FAM13A: variants seen among roughly 807,000 people sequenced by gnomAD.
FAM13A encodes the protein protein FAM13A.
A neutral mutation model predicts 129.6 loss-of-function variants in FAM13A; 76 were observed. The observed-to-expected ratio is 0.59, with a 90% CI of 0.49 to 0.71. FAM13A has a LOEUF of 0.71. FAM13A is among the 30% of genes least tolerant of loss of function. FAM13A has a pLI of 0.00. For synonymous variants in FAM13A, 443 were observed against 449.9 expected, an observed-to-expected ratio of 0.98 and a Z score of 0.20; for missense variants, 1,108 against 1,249.3, an observed-to-expected ratio of 0.89 and a Z score of 1.70.
chr4:89,016,758 C>A (rs949333253), intron 3 of FAM13A, among the ~76,000 whole-genome samples: 1 of 152,158 alleles, frequency 6.6e-6, no homozygotes, highest in African/African-American at 2.4e-5. Flanking sequence ...CCTCAGCCTC[C>A]TGAGTAGCTG....
intron 7 of FAM13A, chr4:88,822,912 G>C: frequency 1.3e-6 from 2 of 1,589,368 alleles, no homozygotes; most frequent in Non-Finnish European, 1.7e-6. Context: ...TACTGGCAAA[G>C]TTATATGGCT....
chr4:88,778,919 C>G (rs1310571445), intron 11 of FAM13A, among the ~76,000 whole-genome samples: 3 of 152,136 alleles, frequency 2.0e-5, no homozygotes, highest in African/African-American at 7.2e-5. Context: ...AACAGTAAGT[C>G]TTGCTTCCTT....
In FAM13A at chr4:88,889,900, G is replaced by A. The variant is rs190187281; in HGVS notation, c.843+16479C>T. Among the ~76,000 whole-genome samples the A allele has an allele frequency of 4.6e-5, 7 of 152,250 alleles. No homozygotes were observed. The East Asian group carries it at 1.3e-3, about 29-fold the overall frequency. On this transcript the variant is annotated intron_variant, in intron 6 of 23. Transcript: ENST00000264344. The stretch of plus-strand genomic sequence containing the variant: ...AGCCCATACTATAATGGGGATGTTT[G>A]TTACAGCAGTTAGCATTAAAAACCT...
chr4:88,875,387 AC>A (rs1742221412), intron 6 of FAM13A, among the ~76,000 whole-genome samples: 1 of 152,230 alleles, frequency 6.6e-6, no homozygotes, highest in South Asian at 2.1e-4. Flanking sequence ...TTTGCAATCT[AC>A]CCATCTGACA....
intron 14 of FAM13A, among the ~76,000 whole-genome samples, chr4:88,754,364 T>C (rs865813140): frequency 6.6e-6 from 1 of 152,160 alleles, no homozygotes; most frequent in Non-Finnish European, 1.5e-5. Context: ...AGGGAACATA[T>C]CTCTGAGTAA....
intron 3 of FAM13A, among the ~76,000 whole-genome samples, chr4:89,014,235 T>C (rs12509305): frequency 0.25 from 38,584 of 152,120 alleles, 5,289 homozygotes; most frequent in East Asian, 0.4. Flanking sequence ...GTATTTGCCA[T>C]TGATTTTGAA....
chr4:88,998,180 C>T (rs1763804271), intron 3 of FAM13A, among the ~76,000 whole-genome samples: 1 of 152,132 alleles, frequency 6.6e-6, no homozygotes. Flanking sequence ...ACCAGTTGAG[C>T]CCACACACTT....
intron 6 of FAM13A, among the ~76,000 whole-genome samples, chr4:88,875,495 C>G (rs1474416675): frequency 6.6e-6 from 1 of 152,222 alleles, no homozygotes; most frequent in Non-Finnish European, 1.5e-5. Context: ...ATAACAGACA[C>G]TTCTCAAAAG....
Position 88,965,027 on chromosome 4 carries a change from T to TG in FAM13A, c.605+25945dup, listed in dbSNP as rs1350743262. On this transcript the variant is annotated intron_variant, in intron 4 of 23. Transcript: ENST00000264344. ...TTTCTTAAGGCCTCTTCTGACATAA[T>TG]GGGGGGAAAATCACACAGTACAACT... Among the ~76,000 whole-genome samples, 7 of 152,294 alleles carry TG rather than the reference T, an allele frequency of 4.6e-5. No individual in the cohort carries two copies. In the East Asian group the frequency reaches 1.3e-3, roughly 29 times the overall value.
chr4:88,762,078 A>T (rs1310456370), intron 13 of FAM13A, among the ~76,000 whole-genome samples: 2 of 152,156 alleles, frequency 1.3e-5, no homozygotes, highest in African/African-American at 4.8e-5. Flanking sequence ...TCTGTGATAA[A>T]GTGACAGGAA....
At chr4:88,863,010 A>ATATATATATATATATATG (rs1561192011) in intron 6 of FAM13A, among the ~76,000 whole-genome samples, 1 of 150,640 alleles carries the variant, frequency 6.6e-6, no homozygotes, top group African/African-American at 2.4e-5. Context: ...AAATATATAC[A>ATATATATATATATATATG]TATATATTTG....
intron 14 of FAM13A, chr4:88,753,680 T>C: frequency 1.2e-6 from 1 of 811,028 alleles, no homozygotes; most frequent in Non-Finnish European, 1.5e-6. Flanking sequence ...AAGGCTTCTA[T>C]TCAAAAGAGT....
intron 3 of FAM13A, among the ~76,000 whole-genome samples, chr4:89,009,820 T>G (rs1765510092): frequency 1.3e-5 from 2 of 152,228 alleles, no homozygotes; most frequent in African/African-American, 4.8e-5. Context: ...TAGTCTGGGT[T>G]GAGCGGTCTG....
chr4:88,904,877 C>T (rs369308716), intron 6 of FAM13A, among the ~76,000 whole-genome samples: 42 of 152,244 alleles, frequency 2.8e-4, no homozygotes, highest in African/African-American at 8.9e-4. Context: ...TACACATTAA[C>T]GCCTTTATGC....
At position 89,009,731 on chromosome 4, in the gene FAM13A, T is replaced by C. The variant is rs1355722705; in HGVS notation, c.427+10729A>G. Among the ~76,000 whole-genome samples the C allele has an allele frequency of 3.3e-5, 5 of 152,200 alleles. No homozygotes were observed. The East Asian group carries it at 7.7e-4, about 23-fold the overall frequency. On this transcript the variant is annotated intron_variant, in intron 3 of 23. Transcript: ENST00000264344. The stretch of plus-strand genomic sequence containing the variant: ...AAACATTCCACAACAAAGTAACATT[T>C]AATATCAAGAGGAAGAAGAGACAGG...
chr4:88,907,369 T>A (rs1167724617), intron 5 of FAM13A, among the ~76,000 whole-genome samples: 1 of 152,216 alleles, frequency 6.6e-6, no homozygotes, highest in East Asian at 1.9e-4. Flanking sequence ...ATACATTTTT[T>A]AAAAGTTTAG....
intron 21 of FAM13A, among the ~76,000 whole-genome samples, chr4:88,732,836 T>A (rs1363846066): frequency 6.6e-6 from 1 of 151,702 alleles, no homozygotes; most frequent in African/African-American, 2.4e-5. Flanking sequence ...TCTGTATTTT[T>A]TGGCATACAA....
intron 6 of FAM13A, among the ~76,000 whole-genome samples, chr4:88,894,549 A>T (rs1156519331): frequency 6.6e-6 from 1 of 152,192 alleles, no homozygotes; most frequent in Non-Finnish European, 1.5e-5. Flanking sequence ...TTTGATACAG[A>T]GTCTCACTCT....
intron 1 of FAM13A, among the ~76,000 whole-genome samples, chr4:89,044,844 C>T (rs966287934): frequency 7.3e-5 from 11 of 151,480 alleles, no homozygotes; most frequent in African/African-American, 2.2e-4. Context: ...TTGTCTAGTT[C>T]CACTAATACG....
Sources: gnomAD v4.1 joint callset for allele counts (sites outside exome capture counted in the v4.1 genomes callset) on GRCh38, gnomAD v4.1.1 for gene constraint, MANE v1.5 for transcripts, NCBI Gene and HGNC (gene_info 2026-07-23, HGNC 2026-07-21) for gene names.